WDR47: variants seen among roughly 807,000 people sequenced by gnomAD.
WDR47 encodes WD repeat domain 47.
Under a neutral mutation model 97.2 loss-of-function variants are expected in WDR47, and 32 were observed. The observed-to-expected ratio is 0.33, with a 90% CI of 0.25 to 0.44. WDR47 has a LOEUF of 0.44. WDR47 is among the 20% of genes least tolerant of loss of function. The probability of loss-of-function intolerance (pLI) is 1.00; values close to 1 mark genes in which losing one functional copy is unlikely to be tolerated. For synonymous variants in WDR47, 375 were observed against 373.5 expected (o/e 1.00, Z -0.05); for missense variants, 782 against 1,102.3 (o/e 0.71, Z 4.11).
In WDR47 at chr1:109,010,989, C is replaced by A; in HGVS notation, c.1057G>T (p.Val353Leu). The part of the protein sequence containing the change: ...HSFANFHYPG[V>L]QNLSRSLMLE... ...ATGAGACTTCTACTGAGGTTTTGTACCCCTGGATAATGGAAGTTAGCAAAG... is the reference window on the plus strand; with the variant it reads ...ATGAGACTTCTACTGAGGTTTTGTAACCCTGGATAATGGAAGTTAGCAAAG... The change falls in exon 5 of 15, where the codon GTA becomes TTA. Residue 353 changes from valine (V) to leucine (L), a missense_variant. Val to Leu is a conservative substitution (Grantham distance 32, BLOSUM62 1). Transcript: ENST00000369962. 6.2e-7 allele frequency: 1 copy of A among 1,614,064 alleles called. No homozygotes were observed. Among genetic ancestry groups the A allele is most frequent in the Non-Finnish European group, 8.5e-7 (1 of 1,180,016 alleles).
At chr1:109,014,443 T>C (rs1216500235) in intron 3 of WDR47, among the ~76,000 whole-genome samples, 1 of 151,942 alleles carries the variant, frequency 6.6e-6, no homozygotes, top group African/African-American at 2.4e-5. Context: ...TTTTCTTTTT[T>C]TTTTTTAGAG....
intron 3 of WDR47, among the ~76,000 whole-genome samples, chr1:109,014,292 A>G (rs1483679028): frequency 6.6e-6 from 1 of 152,184 alleles, no homozygotes; most frequent in Non-Finnish European, 1.5e-5. Flanking sequence ...TTTTAAATAC[A>G]TATACATTGT....
In WDR47 at chr1:108,970,727, A is replaced by G. The variant is rs1264837627; in HGVS notation, c.*703T>C. The G allele has an allele frequency of 6.5e-6, 1 of 152,674 alleles. No individual in the cohort carries two copies. The highest frequency in any genetic ancestry group is 1.9e-4 in the East Asian group (1 of 5,202). The allele number at this position is 152,674 out of a possible 1,614,324, so 9.5% of individuals were successfully genotyped here. On this transcript the variant is annotated 3_prime_UTR_variant, in exon 15 of 15. Coordinates refer to ENST00000369962, the MANE Select transcript of WDR47 (RefSeq NM_001142551.2). ...TATCCTGTTGCATTCAAAAAACTGA[A>G]GTTAACAAGTTTCTGAAGCAAACAC...
At chr1:108,985,806 A>T (rs1211830262) in intron 10 of WDR47, among the ~76,000 whole-genome samples, 2 of 152,140 alleles carry the variant, frequency 1.3e-5, no homozygotes, top group African/African-American at 2.4e-5. Flanking sequence ...TCACTCCCTT[A>T]TAGAGAATTT....
chr1:108,998,105 CAT>C (rs1485976639), intron 7 of WDR47, among the ~76,000 whole-genome samples: 1 of 152,108 alleles, frequency 6.6e-6, no homozygotes, highest in Admixed American at 6.6e-5. Flanking sequence ...TTCTGTGAAA[CAT>C]ATTTCTTGTG....
intron 1 of WDR47, among the ~76,000 whole-genome samples, chr1:109,025,768 G>A (rs1474284049): frequency 6.6e-6 from 1 of 151,952 alleles, no homozygotes; most frequent in Non-Finnish European, 1.5e-5. Flanking sequence ...ATAAAAAAAA[G>A]TGGCGCTAGG....
intron 13 of WDR47, among the ~76,000 whole-genome samples, chr1:108,975,480 A>G (rs1206908967): frequency 1.3e-5 from 2 of 151,720 alleles, no homozygotes; most frequent in African/African-American, 4.8e-5. Context: ...AGTTAGCCGA[A>G]CGGAGTGGCA....
At chr1:108,979,324 G>A (rs949867681) in intron 13 of WDR47, among the ~76,000 whole-genome samples, 1 of 152,170 alleles carries the variant, frequency 6.6e-6, no homozygotes, top group African/African-American at 2.4e-5. Context: ...TTAAAATAAT[G>A]TAAACAATGA....
intron 1 of WDR47, among the ~76,000 whole-genome samples, chr1:109,040,612 T>C (rs553787556): frequency 4.1e-4 from 62 of 152,328 alleles, no homozygotes; most frequent in Non-Finnish European, 7.4e-4. Flanking sequence ...GTGACTTGAC[T>C]TTTCCATTAC....
At chr1:109,037,189 C>CGTG (rs747136357) in intron 1 of WDR47, among the ~76,000 whole-genome samples, 10 of 151,884 alleles carry the variant, frequency 6.6e-5, no homozygotes, top group Non-Finnish European at 1.5e-4. Flanking sequence ...ATTAGCCAGG[C>CGTG]GTGGTGGCAC....
Position 108,981,784 on chromosome 1 carries a change from G to C in WDR47, c.2347C>G (p.Leu783Val). 1 of 1,613,848 alleles carries C rather than the reference G, an allele frequency of 6.2e-7. No homozygotes were observed. Among genetic ancestry groups the C allele is most frequent in the Non-Finnish European group, 8.5e-7 (1 of 1,179,902 alleles). The change falls in exon 13 of 15, where the codon CTT (leucine) becomes GTT (valine). Residue 783 changes from leucine to valine, a missense_variant. Physicochemically the swap from Leu to Val is conservative, Grantham distance 32. Transcript: ENST00000369962. Reference sequence around the variant, plus strand: ...ACACGAACACAACTTGGTACTCGAAGATCCCAAAATCTAACAGTCTTATCT... The same window carrying C: ...ACACGAACACAACTTGGTACTCGAACATCCCAAAATCTAACAGTCTTATCT... ...SQDKTVRFWD[L>V]RVPSCVRVVG...
At chr1:109,022,992 C>T (rs950994646) in intron 2 of WDR47, among the ~76,000 whole-genome samples, 2 of 151,572 alleles carry the variant, frequency 1.3e-5, no homozygotes, top group Non-Finnish European at 2.9e-5. Flanking sequence ...ATCACGAGGT[C>T]AGGAGATCGA....
chr1:108,995,506 C>T lies in WDR47; in HGVS notation c.1691+74G>A, dbSNP rs1659676021. On this transcript the variant is annotated intron_variant, in intron 8 of 14. Coordinates refer to ENST00000369962, the MANE Select transcript of WDR47 (RefSeq NM_001142551.2). ...TCTAAAAACTTTTATTTATAAGGCT[C>T]CAAAGACAAGTTCAACCTTCTAACC... 2.6e-6 allele frequency: 4 copies of T among 1,546,788 alleles called. No individual in the cohort carries two copies. In the Admixed American group the frequency reaches 7.6e-5, roughly 29 times the overall value.
intron 1 of WDR47, among the ~76,000 whole-genome samples, chr1:109,033,918 C>T (rs1662768370): frequency 6.6e-6 from 1 of 151,862 alleles, no homozygotes; most frequent in African/African-American, 2.4e-5. Context: ...GACTCTGTGT[C>T]AAAAAAATAA....
At chr1:109,018,399 G>A (rs1661578346) in intron 2 of WDR47, among the ~76,000 whole-genome samples, 1 of 149,202 alleles carries the variant, frequency 6.7e-6, no homozygotes, top group South Asian at 2.1e-4. Context: ...TCACGCCACT[G>A]CACTCTAGCC....
intron 14 of WDR47, among the ~76,000 whole-genome samples, chr1:108,971,804 G>T (rs1389151115): frequency 6.6e-6 from 1 of 151,678 alleles, no homozygotes; most frequent in African/African-American, 2.4e-5. Flanking sequence ...TCTCTCTCTC[G>T]GAAATTCTCT....
intron 1 of WDR47, among the ~76,000 whole-genome samples, chr1:109,035,167 G>A (rs931949989): frequency 4.0e-5 from 6 of 150,316 alleles, no homozygotes; most frequent in African/African-American, 1.5e-4. Context: ...AATTGTTTGA[G>A]TCTGGGTGGT....
At chr1:109,021,618 C>T (rs533479942) in intron 2 of WDR47, among the ~76,000 whole-genome samples, 14 of 151,326 alleles carry the variant, frequency 9.3e-5, no homozygotes, top group African/African-American at 3.4e-4. Flanking sequence ...ATTAGGGGAG[C>T]CATTAGGAAA....
chr1:109,007,747 T>C (rs1436858499), intron 5 of WDR47, among the ~76,000 whole-genome samples: 1 of 152,214 alleles, frequency 6.6e-6, no homozygotes, highest in African/African-American at 2.4e-5. Flanking sequence ...ATTAAATAAC[T>C]TTCCCAAGGT....
Sources: allele counts gnomAD v4.1 joint callset (sites outside exome capture counted in the v4.1 genomes callset), GRCh38; gene constraint gnomAD v4.1.1; transcripts MANE v1.5; gene names NCBI Gene and HGNC (gene_info 2026-07-23, HGNC 2026-07-21).